The following PPP2R2C variants were observed in gnomAD, a reference collection of about 807,000 sequenced individuals.
The protein encoded by PPP2R2C is protein phosphatase 2, regulatory subunit B, gamma.
A neutral mutation model predicts 45.3 loss-of-function variants in PPP2R2C; 10 were observed. The observed-to-expected ratio is 0.22, with a 90% CI of 0.14 to 0.37. PPP2R2C has a LOEUF of 0.37. PPP2R2C is among the 10% of genes least tolerant of loss of function. The pLI, the probability that PPP2R2C is intolerant of heterozygous loss-of-function variation, is 1.00. For missense variants in PPP2R2C, 308 were observed against 619.7 expected (o/e 0.50, Z 5.34); for synonymous variants, 257 against 245.4 (o/e 1.05, Z -0.44).
intron 1 of PPP2R2C, among the ~76,000 whole-genome samples, chr4:6,437,733 A>G (rs1262160590): frequency 6.6e-6 from 1 of 152,230 alleles, no homozygotes; most frequent in Non-Finnish European, 1.5e-5. Context: ...TAGAAATGAC[A>G]AGTGTCACTC....
intron 5 of PPP2R2C, among the ~76,000 whole-genome samples, chr4:6,352,977 G>A: frequency 6.6e-6 from 1 of 152,168 alleles, no homozygotes; most frequent in Non-Finnish European, 1.5e-5. Context: ...TGGAGACAAA[G>A]GCAGAGATGG....
At chr4:6,505,268 C>A (rs1351047090) in intron 2 of PPP2R2C, among the ~76,000 whole-genome samples, 1 of 152,120 alleles carries the variant, frequency 6.6e-6, no homozygotes, top group Non-Finnish European at 1.5e-5. Flanking sequence ...TAAAGGGATT[C>A]ATTGCCAGCA....
intron 5 of PPP2R2C, among the ~76,000 whole-genome samples, chr4:6,365,582 G>A (rs1430168542): frequency 6.6e-6 from 1 of 152,154 alleles, no homozygotes; most frequent in East Asian, 1.9e-4. Flanking sequence ...CTGGGCTCAG[G>A]GTCCCTTGGC....
At chr4:6,538,445 A>G (rs1214599294) in intron 1 of PPP2R2C, among the ~76,000 whole-genome samples, 2 of 152,342 alleles carry the variant, frequency 1.3e-5, no homozygotes, top group East Asian at 3.9e-4. Context: ...CAAAACGGAA[A>G]CATACAAGGA....
At position 6,533,196 on chromosome 4, in the gene PPP2R2C, C is replaced by T. The variant is rs576140746; in HGVS notation, c.49+2075G>A. 1.5e-3 allele frequency among the ~76,000 whole-genome samples: 222 copies of T among 152,268 alleles called. 3 individuals are homozygous for T. The highest frequency in any genetic ancestry group is 4.6e-3 in the African/African-American group (193 of 41,552). On this transcript the variant is annotated intron_variant, in intron 2 of 9. Coordinates refer to the PPP2R2C transcript ENST00000506140. Reference sequence around the variant, plus strand: ...CTGTAAATGAAAGTAATCCTAAGAACACATGCCCGAGACCCAGAAGAGAAC... The same window carrying T: ...CTGTAAATGAAAGTAATCCTAAGAATACATGCCCGAGACCCAGAAGAGAAC...
At chr4:6,523,812 C>T (rs977527995) in intron 2 of PPP2R2C, among the ~76,000 whole-genome samples, 5 of 152,224 alleles carry the variant, frequency 3.3e-5, no homozygotes, top group African/African-American at 1.2e-4. Flanking sequence ...ATGGAAACAC[C>T]CTAAGTATCC....
At chr4:6,376,324 A>T (rs1244953007) in intron 3 of PPP2R2C, among the ~76,000 whole-genome samples, 1 of 152,214 alleles carries the variant, frequency 6.6e-6, no homozygotes, top group Non-Finnish European at 1.5e-5. Flanking sequence ...AAGGTACCCA[A>T]GGCCCTGCCA....
chr4:6,517,862 G>A (rs901634486), intron 2 of PPP2R2C, among the ~76,000 whole-genome samples: 9 of 152,140 alleles, frequency 5.9e-5, no homozygotes, highest in African/African-American at 1.7e-4. Flanking sequence ...TACCTGGGAA[G>A]TTGGTACTTT....
At chr4:6,520,215 G>C (rs757245840) in intron 2 of PPP2R2C, among the ~76,000 whole-genome samples, 10 of 152,156 alleles carry the variant, frequency 6.6e-5, no homozygotes, top group Non-Finnish European at 1.2e-4. Context: ...GCCTGCCCCA[G>C]GGTGGGAGAT....
chr4:6,514,106 G>A (rs533823243), intron 2 of PPP2R2C, among the ~76,000 whole-genome samples: 3 of 152,184 alleles, frequency 2.0e-5, no homozygotes, highest in South Asian at 4.1e-4. Flanking sequence ...ATAATTTACC[G>A]TCCTTTGACT....
rs577425758 is a variant in PPP2R2C at position 6,410,740 on chromosome 4, C to A, written c.71-29646G>T. On this transcript the variant is annotated intron_variant, in intron 1 of 8. Coordinates refer to ENST00000382599, the MANE Select transcript of PPP2R2C (RefSeq NM_020416.4). ...CACCCCAGTGAGCCTGGCCAGGTCA[C>A]CCTTTCTCAGAAACGTGTGCAGCGC... Among the ~76,000 whole-genome samples the A allele has an allele frequency of 2.4e-3, 364 of 152,212 alleles. 5 individuals are homozygous for A. In the South Asian group the frequency reaches 0.026, roughly 11 times the overall value.
At chr4:6,551,296 A>G (rs1725177549) in intron 1 of PPP2R2C, among the ~76,000 whole-genome samples, 1 of 152,232 alleles carries the variant, frequency 6.6e-6, no homozygotes, top group African/African-American at 2.4e-5. Flanking sequence ...CTGGGTTTCC[A>G]GCACAGACCA....
chr4:6,439,513 C>G (rs1441463550), intron 1 of PPP2R2C, among the ~76,000 whole-genome samples: 1 of 152,294 alleles, frequency 6.6e-6, no homozygotes, highest in African/African-American at 2.4e-5. Flanking sequence ...TCATTTTCTT[C>G]TAAATTAGGG....
At chr4:6,403,738 C>T (rs916932173) in intron 1 of PPP2R2C, among the ~76,000 whole-genome samples, 9 of 152,094 alleles carry the variant, frequency 5.9e-5, no homozygotes, top group Non-Finnish European at 1.2e-4. Context: ...TGGTGGGTGC[C>T]TGTAATCCCA....
At position 6,471,996 on chromosome 4, in the gene PPP2R2C, AGGGTGGGATGGGATGGGGTGGGGTG is replaced by A. The variant is rs1476952484; in HGVS notation, c.70+139_70+163del. ...GCTCCCTCCCTCCTGGGCCCCGGGCAGGGTGGGATGGGATGGGGTGGGGTGGGGTGGGATGGGGTGGGGTGGGGTG... is the reference window on the plus strand; with the variant it reads ...GCTCCCTCCCTCCTGGGCCCCGGGCAGGGTGGGATGGGGTGGGGTGGGGTG... On this transcript the variant is annotated intron_variant, in intron 1 of 8. Coordinates refer to ENST00000382599, the MANE Select transcript of PPP2R2C (RefSeq NM_020416.4). The surrounding 1 kb of genome is among the most constrained non-coding windows in gnomAD (Gnocchi z 5.6). 1.7e-4 allele frequency among the ~76,000 whole-genome samples: 6 copies of A among 35,842 alleles called. No individual in the cohort carries two copies. The highest frequency in any genetic ancestry group is 1.6e-3 in the Admixed American group (5 of 3,108). The allele number at this position is 35,842 out of a possible 152,430, so 23.5% of individuals were successfully genotyped here.
At chr4:6,506,087 C>T (rs1723219312) in intron 2 of PPP2R2C, among the ~76,000 whole-genome samples, 1 of 152,138 alleles carries the variant, frequency 6.6e-6, no homozygotes, top group Non-Finnish European at 1.5e-5. Flanking sequence ...CACAAGAGTA[C>T]ACACCACATG....
upstream of PPP2R2C, among the ~76,000 whole-genome samples, chr4:6,472,644 T>C (rs4441821): frequency 0.43 from 63,774 of 147,652 alleles, 14,788 homozygotes; most frequent in Non-Finnish European, 0.53. Context: ...CCGCCGCCGC[T>C]GTCGCAGGCC....
At chr4:6,483,149 TGATTGATA>T (rs200201115) in intron 2 of PPP2R2C, among the ~76,000 whole-genome samples, 3,177 of 129,784 alleles carry the variant, frequency 0.024, 89 homozygotes, top group African/African-American at 0.081. Context: ...ATAGATTGAT[TGATTGATA>T]GATAGACGAT....
Position 6,488,015 on chromosome 4 carries a change from C to T in PPP2R2C, c.49+47256G>A, listed in dbSNP as rs145757510. Among the ~76,000 whole-genome samples, 316 of 152,196 alleles carry T rather than the reference C, an allele frequency of 2.1e-3. 1 individual carries two copies. Among genetic ancestry groups the T allele is most frequent in the African/African-American group, 7.1e-3 (296 of 41,530 alleles). On this transcript the variant is annotated intron_variant, in intron 2 of 9. Transcript: ENST00000506140. Reference sequence around the variant, plus strand: ...CTGCAATGTCCTCTCTGCTGTTAATCCTATCCAGTGTGTTTTTCATATTAT... The same window carrying T: ...CTGCAATGTCCTCTCTGCTGTTAATTCTATCCAGTGTGTTTTTCATATTAT...
Sources: allele counts gnomAD v4.1 joint callset (sites outside exome capture counted in the v4.1 genomes callset), GRCh38; gene constraint gnomAD v4.1.1; non-coding constraint Gnocchi (gnomAD v3.1); transcripts MANE v1.5; gene names NCBI Gene and HGNC (gene_info 2026-07-23, HGNC 2026-07-21).